The following CRMP1 variants were observed in gnomAD, a reference collection of about 807,000 sequenced individuals.
CRMP1 encodes the protein dihydropyrimidinase-related protein 1.
In CRMP1, 19 loss-of-function variants were observed where a neutral mutation model predicts 68.3. The ratio of observed to expected loss-of-function variants is 0.28; its 90% CI spans 0.19 to 0.41. The LOEUF (loss-of-function observed/expected upper bound fraction) is 0.41. CRMP1 is among the 10% of genes least tolerant of loss of function. The pLI, the probability that CRMP1 is intolerant of heterozygous loss-of-function variation, is 1.00. For missense variants in CRMP1, 791 were observed against 967.4 expected (o/e 0.82, Z 2.42); for synonymous variants, 439 against 399.6 (o/e 1.10, Z -1.18).
chr4:5,843,037 A>G lies in CRMP1; in HGVS notation c.1032+56T>C. On this transcript the variant is annotated intron_variant, in intron 7 of 13. Coordinates refer to ENST00000324989, the MANE Select transcript of CRMP1 (RefSeq NM_001014809.3). This position sits in a 1 kb window ranked among gnomAD's most constrained non-coding sequence, Gnocchi z 4.1. ...GGGCTACTCCAGCTGGAACAGCATC[A>G]AGGTGAGTGCTCAGTGGTGAGTGTC... is the stretch of plus-strand genomic sequence containing the variant. 1 of 1,541,548 alleles carries G rather than the reference A, an allele frequency of 6.5e-7. No homozygotes were observed. Among genetic ancestry groups the G allele is most frequent in the Non-Finnish European group, 9.0e-7 (1 of 1,115,478 alleles).
At position 5,855,888 on chromosome 4, in the gene CRMP1, G is replaced by C. The variant is rs1713019506; in HGVS notation, c.820+255C>G. ...GGAAAAGAAAAGTGAAGTTAGATCA[G>C]CAAGGGCCTGGGCACAGCAGGCTGC... On this transcript the variant is annotated intron_variant, in intron 4 of 13. Transcript: ENST00000324989. The surrounding 1 kb of genome is among the most constrained non-coding windows in gnomAD (Gnocchi z 4.9). 6.6e-6 allele frequency among the ~76,000 whole-genome samples: 1 copy of C among 152,166 alleles called. No individual in the cohort carries two copies. Among genetic ancestry groups the C allele is most frequent in the Non-Finnish European group, 1.5e-5 (1 of 68,032 alleles).
chr4:5,855,296 A>G lies in CRMP1; in HGVS notation c.820+847T>C, dbSNP rs1293970080. 1.3e-5 allele frequency among the ~76,000 whole-genome samples: 2 copies of G among 152,206 alleles called. No homozygotes were observed. The highest frequency in any genetic ancestry group is 2.4e-5 in the African/African-American group (1 of 41,446). ...GATGATACTGTTATTACGAGAAAAC[A>G]TAGCACAGCTATTTTAAAAATTGGA... On this transcript the variant is annotated intron_variant, in intron 4 of 13. Transcript: ENST00000324989. The surrounding 1 kb of genome is among the most constrained non-coding windows in gnomAD (Gnocchi z 4.9).
rs771881348 is a variant in CRMP1 at position 5,839,532 on chromosome 4, G to C, written c.1300C>G (p.Leu434Val). ...DPTTPDYLTS[L>V]LACGDLQVTG... Reference sequence around the variant, plus strand: ...TCTCACAGGTCTCACCAGGCCAGTAGGGAGGTCAAGTAGTCGGGCGTGGTA... The same window carrying C: ...TCTCACAGGTCTCACCAGGCCAGTACGGAGGTCAAGTAGTCGGGCGTGGTA... Residue 434 changes from leucine to valine, a missense_variant, in exon 9 of 14, where the codon CTA becomes GTA. Physicochemically the swap from Leu to Val is conservative, Grantham distance 32. Transcript: ENST00000324989. 3 of 1,609,186 alleles carry C rather than the reference G, an allele frequency of 1.9e-6. No homozygotes were observed. The highest frequency in any genetic ancestry group is 2.5e-6 in the Non-Finnish European group (3 of 1,177,976).
rs558336348 is a variant in CRMP1 at position 5,828,373 on chromosome 4, G to A, written c.1803+116C>T. 6.9e-5 allele frequency: 100 copies of A among 1,450,688 alleles called. 1 individual carries two copies. Among genetic ancestry groups the A allele is most frequent in the South Asian group, 4.9e-4 (33 of 66,720 alleles). The allele number at this position is 1,450,688 out of a possible 1,614,324, so 89.9% of individuals were successfully genotyped here. ...CAACCCATTTAACAGATAAGGAAAC[G>A]GAGGTTCCCAGGGCGATGACATTAT... On this transcript the variant is annotated intron_variant, in intron 12 of 13. Coordinates refer to ENST00000324989, the MANE Select transcript of CRMP1 (RefSeq NM_001014809.3).
intron 10 of CRMP1, among the ~76,000 whole-genome samples, chr4:5,836,358 C>G (rs145932213): frequency 4.1e-4 from 63 of 152,274 alleles, no homozygotes; most frequent in Non-Finnish European, 7.4e-4. Context: ...GATTAAAAAC[C>G]TTTGGTTTCA....
chr4:5,885,900 A>G (rs1319394963), intron 1 of CRMP1, among the ~76,000 whole-genome samples: 1 of 121,376 alleles, frequency 8.2e-6, no homozygotes, highest in Non-Finnish European at 1.8e-5. Context: ...TCAAATGACT[A>G]CTATGGAACA....
Position 5,889,795 on chromosome 4 carries a change from C to T in CRMP1, c.381+2794G>A. On this transcript the variant is annotated intron_variant, in intron 1 of 13. Transcript: ENST00000324989. This position sits in a 1 kb window ranked among gnomAD's most constrained non-coding sequence, Gnocchi z 4.5. Reference sequence around the variant, plus strand: ...GGGGCTGGGGCCCTGACCTTCACCACCCCAGGGGCCAGTCCCCTAATCCAG... The same window carrying T: ...GGGGCTGGGGCCCTGACCTTCACCATCCCAGGGGCCAGTCCCCTAATCCAG... 6.6e-7 allele frequency: 1 copy of T among 1,522,776 alleles called. No individual in the cohort carries two copies. Among genetic ancestry groups the T allele is most frequent in the East Asian group, 2.5e-5 (1 of 40,670 alleles). The allele number at this position is 1,522,776 out of a possible 1,614,324, so 94.3% of individuals were successfully genotyped here. A position where few individuals can be genotyped will look rare whatever the true frequency, so the allele number is the denominator to read the frequency against.
chr4:5,889,712 T>C lies in CRMP1; in HGVS notation c.381+2877A>G. 6.5e-7 allele frequency: 1 copy of C among 1,535,958 alleles called. No individual in the cohort carries two copies. Among genetic ancestry groups the C allele is most frequent in the Non-Finnish European group, 8.7e-7 (1 of 1,146,786 alleles). ...ACTACTCATCTTTTCTGCTTTCAAG[T>C]TGCCATCCAGAGCGAGGGTGGCCTA... On this transcript the variant is annotated intron_variant, in intron 1 of 13. Coordinates refer to ENST00000324989, the MANE Select transcript of CRMP1 (RefSeq NM_001014809.3). This position sits in a 1 kb window ranked among gnomAD's most constrained non-coding sequence, Gnocchi z 4.5.
At chr4:5,862,495 T>G (rs1416415504) in intron 2 of CRMP1, among the ~76,000 whole-genome samples, 2 of 152,182 alleles carry the variant, frequency 1.3e-5, no homozygotes, top group African/African-American at 4.8e-5. Context: ...GGAAAGGGGT[T>G]GGGAAGACAC....
At chr4:5,862,755 A>T (rs1713674731) in intron 2 of CRMP1, among the ~76,000 whole-genome samples, 1 of 152,200 alleles carries the variant, frequency 6.6e-6, no homozygotes, top group Admixed American at 6.5e-5. Flanking sequence ...AGTCTGATTC[A>T]AGCCTGTGAC....
Position 5,841,166 on chromosome 4 carries a change from A to G in CRMP1, c.1153+142T>C, listed in dbSNP as rs1013731085. The G allele has an allele frequency of 8.7e-6, 11 of 1,261,384 alleles. No homozygotes were observed. Among genetic ancestry groups the G allele is most frequent in the Non-Finnish European group, 1.1e-5 (10 of 885,194 alleles). The allele number at this position is 1,261,384 out of a possible 1,614,324, so 78.1% of individuals were successfully genotyped here. A position where few individuals can be genotyped will look rare whatever the true frequency, so the allele number is the denominator to read the frequency against. On this transcript the variant is annotated intron_variant, in intron 8 of 13. Transcript: ENST00000324989. The surrounding 1 kb of genome is among the most constrained non-coding windows in gnomAD (Gnocchi z 6.9). ...TTGGGACCAAAGAATTCCAGCCACC[A>G]TCCTTGTGTCAGGAGCATCCCCGCT...
At position 5,841,411 on chromosome 4, in the gene CRMP1, C is replaced by T. The variant is rs778849397; in HGVS notation, c.1050G>A (p.Val350=). The T allele has an allele frequency of 1.2e-6, 2 of 1,614,184 alleles. No individual in the cohort carries two copies. Among genetic ancestry groups the T allele is most frequent in the South Asian group, 1.1e-5 (1 of 91,080 alleles). The change falls in exon 8 of 14, where the codon GTG becomes GTA. Residue 350 remains valine (V), a synonymous_variant. Coordinates refer to ENST00000324989, the MANE Select transcript of CRMP1 (RefSeq NM_001014809.3). This position sits in a 1 kb window ranked among gnomAD's most constrained non-coding sequence, Gnocchi z 6.9. ...GGCCCGCAATGGTGATGGCCCGGAA[C>T]ACCGCCTCGGCCTCCAGCTGAACAC... The part of the protein sequence containing the change: ...SRPEELEAEA[V]FRAITIAGRI...
Position 5,888,981 on chromosome 4 carries a change from G to C in CRMP1, c.381+3608C>G, listed in dbSNP as rs1715813004. Among the ~76,000 whole-genome samples, 1 of 151,886 alleles carries C rather than the reference G, an allele frequency of 6.6e-6. No individual in the cohort carries two copies. On this transcript the variant is annotated intron_variant, in intron 1 of 13. Coordinates refer to ENST00000324989, the MANE Select transcript of CRMP1 (RefSeq NM_001014809.3). This position sits in a 1 kb window ranked among gnomAD's most constrained non-coding sequence, Gnocchi z 6.4. ...CCTTCCCGAGTGCCTCTCCCTGAAT[G>C]CACCAAGCACTTTTTCCATCTCGGA...
At chr4:5,885,735 C>G (rs1448192798) in intron 1 of CRMP1, among the ~76,000 whole-genome samples, 1 of 152,216 alleles carries the variant, frequency 6.6e-6, no homozygotes, top group Non-Finnish European at 1.5e-5. Flanking sequence ...ACACTTCAGG[C>G]TGAAATGTCA....
chr4:5,844,007 ACTG>A (rs1711995068), intron 6 of CRMP1, among the ~76,000 whole-genome samples: 1 of 152,154 alleles, frequency 6.6e-6, no homozygotes, highest in Admixed American at 6.5e-5. Flanking sequence ...TGCCAGCTGT[ACTG>A]CTGCTAATTT....
At chr4:5,828,367 G>A in intron 12 of CRMP1, 122 bp downstream of exon 12, 2 of 1,445,126 alleles carry the variant, frequency 1.4e-6, no homozygotes, top group South Asian at 1.5e-5. Flanking sequence ...TAACAGATAA[G>A]GAAACGGAGG....
intron 13 of CRMP1, chr4:5,824,842 T>TGCCC: frequency 2.0e-6 from 2 of 985,400 alleles, no homozygotes; most frequent in Non-Finnish European, 2.4e-6. Context: ...TGTGCGTGCC[T>TGCCC]GCCCTCATGT....
At chr4:5,857,096 A>C (rs1317721261) in intron 3 of CRMP1, among the ~76,000 whole-genome samples, 11 of 105,278 alleles carry the variant, frequency 1.0e-4, no homozygotes, top group African/African-American at 4.1e-4. Flanking sequence ...ATTATCACTA[A>C]CATCACCACC....
Position 5,883,553 on chromosome 4 carries a change from G to A in CRMP1, c.381+9036C>T, listed in dbSNP as rs1385655411. Among the ~76,000 whole-genome samples the A allele has an allele frequency of 6.6e-6, 1 of 151,948 alleles. No individual in the cohort carries two copies. The highest frequency in any genetic ancestry group is 1.5e-5 in the Non-Finnish European group (1 of 67,996). On this transcript the variant is annotated intron_variant, in intron 1 of 13. Coordinates refer to ENST00000324989, the MANE Select transcript of CRMP1 (RefSeq NM_001014809.3). The surrounding 1 kb of genome is among the most constrained non-coding windows in gnomAD (Gnocchi z 4.5). ...TGACCTTAAGTGATCTGCCCACCTT[G>A]GCCTCCCAAAGTGCTGGGATTACAG...
Sources: allele counts gnomAD v4.1 joint callset (sites outside exome capture counted in the v4.1 genomes callset), GRCh38; gene constraint gnomAD v4.1.1; non-coding constraint Gnocchi (gnomAD v3.1); transcripts MANE v1.5; gene names NCBI Gene and HGNC (gene_info 2026-07-23, HGNC 2026-07-21).